GALNT16: variants seen among roughly 807,000 people sequenced by gnomAD.
GALNT16 encodes polypeptide N-acetylgalactosaminyltransferase 16.
GALNT16 carries 40 observed loss-of-function variants against 76.1 expected under a neutral mutation model. The ratio of observed to expected loss-of-function variants is 0.53; its 90% CI spans 0.41 to 0.68. The LOEUF (loss-of-function observed/expected upper bound fraction) is 0.68, where lower values mean the gene tolerates loss of function less well. Among genes scored for constraint, GALNT16 ranks in the 30% least tolerant of loss-of-function variants. The probability of loss-of-function intolerance (pLI) is 0.00; values close to 1 mark genes in which losing one functional copy is unlikely to be tolerated. For missense variants in GALNT16, 621 were observed against 731.9 expected (o/e 0.85, Z 1.75); for synonymous variants, 276 against 285.2 (o/e 0.97, Z 0.32).
intron 9 of GALNT16, among the ~76,000 whole-genome samples, chr14:69,335,230 G>A (rs1555401180): frequency 6.6e-6 from 1 of 152,174 alleles, no homozygotes; most frequent in Non-Finnish European, 1.5e-5. Context: ...GCTTGCAACA[G>A]GCCTGATCCC....
At chr14:69,356,552 C>CTTT (rs771252426), downstream of GALNT16, 11 of 81,094 alleles carry the variant, frequency 1.4e-4, no homozygotes, top group Non-Finnish European at 1.9e-4. Flanking sequence ...CAGCTGTGAG[C>CTTT]TCTTTTTTTT....
chr14:69,332,709 A>G (rs1379958189), intron 7 of GALNT16: 1 of 178,654 alleles, frequency 5.6e-6, no homozygotes, highest in African/African-American at 2.4e-5. Context: ...CCCTTTCTCC[A>G]GGTATCTTCA....
intron 6 of GALNT16, among the ~76,000 whole-genome samples, chr14:69,330,678 T>C (rs1377762476): frequency 6.6e-6 from 1 of 152,056 alleles, no homozygotes; most frequent in Non-Finnish European, 1.5e-5. Context: ...GACAAGAGGA[T>C]TTTGGGGGTG....
intron 1 of GALNT16, among the ~76,000 whole-genome samples, chr14:69,316,781 G>GT (rs1555399676): frequency 1.0e-5 from 1 of 96,740 alleles, no homozygotes; most frequent in African/African-American, 3.2e-5. Context: ...CTGTGAGGGG[G>GT]GGGGGCACTG....
At chr14:69,309,443 C>T (rs1321555300) in intron 1 of GALNT16, among the ~76,000 whole-genome samples, 1 of 152,008 alleles carries the variant, frequency 6.6e-6, no homozygotes, top group Non-Finnish European at 1.5e-5. Context: ...GCTGGGACTA[C>T]AGCACGCACC....
At chr14:69,374,525 G>T in the GALNT16 span, among the ~76,000 whole-genome samples, 1 of 152,128 alleles carries the variant, frequency 6.6e-6, no homozygotes. Flanking sequence ...GTCAAAGTGT[G>T]GTTACCTGGA....
intron 1 of GALNT16, among the ~76,000 whole-genome samples, chr14:69,277,647 A>T (rs2044489574): frequency 6.6e-6 from 1 of 152,192 alleles, no homozygotes; most frequent in African/African-American, 2.4e-5. Context: ...GGTTGGTTCC[A>T]AGTCTTTGCT....
chr14:69,264,968 C>T (rs1253938597), intron 1 of GALNT16, among the ~76,000 whole-genome samples: 1 of 151,864 alleles, frequency 6.6e-6, no homozygotes, highest in Admixed American at 6.6e-5. Flanking sequence ...TGTGTGCCAC[C>T]ACACCTGGTT....
chr14:69,341,234 A>G (rs1267574125), intron 11 of GALNT16, among the ~76,000 whole-genome samples: 1 of 152,176 alleles, frequency 6.6e-6, no homozygotes, highest in Admixed American at 6.5e-5. Flanking sequence ...GAAGGTGAGG[A>G]TGGCGGTGTC....
chr14:69,360,627 G>A (rs1332647705), downstream of GALNT16, among the ~76,000 whole-genome samples: 1 of 146,980 alleles, frequency 6.8e-6, no homozygotes, highest in African/African-American at 2.5e-5. Flanking sequence ...AGAAGAAGAA[G>A]GAGAAGAAAA....
chr14:69,347,192 C>G lies in GALNT16; in HGVS notation c.1413+11C>G, dbSNP rs376732233. On this transcript the variant is annotated intron_variant, in intron 13 of 14. Coordinates refer to ENST00000448469, the MANE Select transcript of GALNT16 (RefSeq NM_001168368.2). The stretch of plus-strand genomic sequence containing the variant: ...CCGCAGCCCGCCCAGGTAAGGACCT[C>G]GGGTAGGAATGGGAGTGGGAGAGAG... 48 of 1,596,914 alleles carry G rather than the reference C, an allele frequency of 3.0e-5. No homozygotes were observed. The South Asian group carries it at 4.2e-4, about 14-fold the overall frequency.
At chr14:69,362,363 G>A in the GALNT16 span, among the ~76,000 whole-genome samples, 3 of 152,274 alleles carry the variant, frequency 2.0e-5, no homozygotes, top group Non-Finnish European at 4.4e-5. Flanking sequence ...TCCACTTGAG[G>A]TGGAGGCTCC....
At chr14:69,312,761 A>G (rs2045046256) in intron 1 of GALNT16, among the ~76,000 whole-genome samples, 6 of 152,182 alleles carry the variant, frequency 3.9e-5, no homozygotes, top group Admixed American at 3.3e-4. Context: ...CCACGAGCTG[A>G]TGCCCTGATC....
chr14:69,266,127 T>C (rs77050458), intron 1 of GALNT16, among the ~76,000 whole-genome samples: 9,438 of 152,302 alleles, frequency 0.062, 307 homozygotes, highest in Middle Eastern at 0.1. Context: ...CCCTGGAGCA[T>C]CTTCTGGTCA....
chr14:69,327,641 G>T (rs1395242999), intron 5 of GALNT16, among the ~76,000 whole-genome samples: 1 of 152,224 alleles, frequency 6.6e-6, no homozygotes, highest in Admixed American at 6.5e-5. Flanking sequence ...TGGGGCAGAG[G>T]CATGGCTAGG....
chr14:69,325,447 C>A, intron 4 of GALNT16, 43 bp downstream of exon 4: 2 of 1,160,240 alleles, frequency 1.7e-6, no homozygotes, highest in Non-Finnish European at 2.6e-6. Context: ...ATTCCGCCCT[C>A]GTCCCTGTTT....
Position 69,282,973 on chromosome 14 carries a change from T to C in GALNT16, c.177+22506T>C, listed in dbSNP as rs558898823. Among the ~76,000 whole-genome samples the C allele has an allele frequency of 4.6e-5, 7 of 152,222 alleles. No individual in the cohort carries two copies. In the South Asian group the frequency reaches 1.0e-3, roughly 23 times the overall value. On this transcript the variant is annotated intron_variant, in intron 1 of 14. Coordinates refer to ENST00000448469, the MANE Select transcript of GALNT16 (RefSeq NM_001168368.2). ...GAGCCACTGCACCTGGCCGAGATGA[T>C]TTTTTATATGTTCTCTACTGCTCTC...
intron 1 of GALNT16, among the ~76,000 whole-genome samples, chr14:69,299,819 G>T (rs140771629): frequency 6.5e-4 from 99 of 152,306 alleles, no homozygotes; most frequent in African/African-American, 2.4e-3. Context: ...TGGGCTGGCT[G>T]CTGGGAACCC....
intron 1 of GALNT16, among the ~76,000 whole-genome samples, chr14:69,266,243 G>A (rs551984110): frequency 8.5e-5 from 13 of 152,266 alleles, no homozygotes; most frequent in African/African-American, 2.4e-4. Flanking sequence ...ATGCAAAAAC[G>A]ATACAGAACA....
Sources: gnomAD v4.1 joint callset for allele counts (sites outside exome capture counted in the v4.1 genomes callset) on GRCh38, gnomAD v4.1.1 for gene constraint, MANE v1.5 for transcripts, NCBI Gene and HGNC (gene_info 2026-07-23, HGNC 2026-07-21) for gene names.